The following UBE3D variants were observed in gnomAD, a reference collection of about 807,000 sequenced individuals.
UBE3D encodes E3 ubiquitin-protein ligase E3D.
In UBE3D, 48 loss-of-function variants were observed where a neutral mutation model predicts 49.6. That is an observed-to-expected ratio of 0.97 (90% confidence interval 0.77 to 1.23). UBE3D has a LOEUF of 1.23. Ranked by LOEUF, UBE3D falls within the 50% of genes most tolerant of loss-of-function variation. The probability of loss-of-function intolerance (pLI) is 0.00; values close to 1 mark genes in which losing one functional copy is unlikely to be tolerated. For missense variants in UBE3D, 452 were observed against 468.4 expected (o/e 0.96, Z 0.32); for synonymous variants, 189 against 174.2 (o/e 1.08, Z -0.67).
At chr6:83,059,427 A>T (rs1307280616) in intron 1 of UBE3D, among the ~76,000 whole-genome samples, 1 of 152,208 alleles carries the variant, frequency 6.6e-6, no homozygotes, top group Non-Finnish European at 1.5e-5. Flanking sequence ...CTTAGCTCAC[A>T]GGCTGTACCA....
chr6:82,918,240 C>T (rs549512478), intron 9 of UBE3D, among the ~76,000 whole-genome samples: 2 of 150,990 alleles, frequency 1.3e-5, no homozygotes, highest in East Asian at 3.9e-4. Flanking sequence ...TCTCATTTAC[C>T]CTTCTACCAG....
At chr6:83,064,036 G>A (rs1418525920) in intron 1 of UBE3D, among the ~76,000 whole-genome samples, 1 of 152,126 alleles carries the variant, frequency 6.6e-6, no homozygotes, top group Non-Finnish European at 1.5e-5. Context: ...TTCATACAAT[G>A]GAAAACTTAG....
intron 3 of UBE3D, among the ~76,000 whole-genome samples, chr6:83,052,658 G>A (rs1783548318): frequency 6.6e-6 from 1 of 152,144 alleles, no homozygotes; most frequent in African/African-American, 2.4e-5. Flanking sequence ...TTTTTTTGGG[G>A]GAGGAGGAAT....
chr6:82,902,988 T>A (rs1240046491), intron 9 of UBE3D, among the ~76,000 whole-genome samples: 1 of 152,186 alleles, frequency 6.6e-6, no homozygotes, highest in African/African-American at 2.4e-5. Flanking sequence ...GTAACAAGAC[T>A]AGGGGTGTGA....
chr6:83,057,703 G>T, intron 2 of UBE3D, 123 bp downstream of exon 2: 1 of 920,720 alleles, frequency 1.1e-6, no homozygotes, highest in Non-Finnish European at 1.7e-6. Flanking sequence ...TGGCAGAGCT[G>T]ACAAAGACCC....
intron 8 of UBE3D, among the ~76,000 whole-genome samples, chr6:82,962,782 G>T (rs1201983693): frequency 6.6e-6 from 1 of 152,004 alleles, no homozygotes; most frequent in Admixed American, 6.6e-5. Flanking sequence ...CATGAACAAG[G>T]CAAAAGTATA....
intron 3 of UBE3D, among the ~76,000 whole-genome samples, chr6:83,053,580 C>T (rs950349824): frequency 2.6e-5 from 4 of 152,008 alleles, no homozygotes; most frequent in Non-Finnish European, 4.4e-5. Flanking sequence ...ACAACAACAA[C>T]GAAAAAACCA....
chr6:82,947,115 T>C (rs1023000573), intron 9 of UBE3D, among the ~76,000 whole-genome samples: 1 of 151,850 alleles, frequency 6.6e-6, no homozygotes, highest in Admixed American at 6.6e-5. Flanking sequence ...AAATATATTT[T>C]ATGTCAATGG....
At chr6:83,024,114 A>C in intron 5 of UBE3D, 76 bp from the exon 6 acceptor site, 1 of 717,722 alleles carries the variant, frequency 1.4e-6, no homozygotes, top group Non-Finnish European at 2.2e-6. Context: ...ACTCCAAATT[A>C]GGATATTCCA....
Position 83,057,906 on chromosome 6 carries a change from G to T in UBE3D, c.194C>A (p.Pro65His). 6.2e-7 allele frequency: 1 copy of T among 1,614,170 alleles called. No homozygotes were observed. The highest frequency in any genetic ancestry group is 1.1e-5 in the South Asian group (1 of 91,082). ...AAACTGTAGCCCACGGCAAGAGGAAGGTACAAGCCTGACCTCTGCTGGAAG... is the reference window on the plus strand; with the variant it reads ...AAACTGTAGCCCACGGCAAGAGGAATGTACAAGCCTGACCTCTGCTGGAAG... ...IQLPAEVRLV[P>H]SSCRGLQFVV... The change falls in exon 2 of 10, where the codon CCT (proline) becomes CAT (histidine). Residue 65 changes from proline (P) to histidine (H), a missense_variant. Coordinates refer to ENST00000369747, the MANE Select transcript of UBE3D (RefSeq NM_198920.3).
intron 1 of UBE3D, among the ~76,000 whole-genome samples, chr6:83,064,933 C>G (rs1336557469): frequency 3.9e-5 from 6 of 152,198 alleles, no homozygotes; most frequent in Non-Finnish European, 7.3e-5. Flanking sequence ...CTAACTTACT[C>G]TCTTTGAAAC....
At chr6:83,007,483 C>T (rs1037184431) in intron 8 of UBE3D, among the ~76,000 whole-genome samples, 1 of 152,104 alleles carries the variant, frequency 6.6e-6, no homozygotes, top group African/African-American at 2.4e-5. Flanking sequence ...CCTAAAAATA[C>T]AAAAACAAGG....
At chr6:82,899,352 T>C (rs1298653909) in intron 9 of UBE3D, among the ~76,000 whole-genome samples, 1 of 152,152 alleles carries the variant, frequency 6.6e-6, no homozygotes, top group Non-Finnish European at 1.5e-5. Flanking sequence ...CTTCCAACCC[T>C]GAACTTTCTG....
chr6:83,003,611 C>T (rs746404773), intron 8 of UBE3D, among the ~76,000 whole-genome samples: 1 of 152,118 alleles, frequency 6.6e-6, no homozygotes, highest in African/African-American at 2.4e-5. Flanking sequence ...TCAGACAAAC[C>T]TAAGTGATAC....
At chr6:82,975,010 C>T (rs1777616430) in intron 8 of UBE3D, among the ~76,000 whole-genome samples, 1 of 151,878 alleles carries the variant, frequency 6.6e-6, no homozygotes, top group Non-Finnish European at 1.5e-5. Flanking sequence ...AACAAAAATA[C>T]AATAATTTAT....
At chr6:82,905,512 C>A (rs1025423133) in intron 9 of UBE3D, among the ~76,000 whole-genome samples, 4 of 152,110 alleles carry the variant, frequency 2.6e-5, no homozygotes, top group Non-Finnish European at 4.4e-5. Context: ...TAGGGCCTCC[C>A]TAACATCTCA....
At chr6:82,973,251 T>C (rs1270561156) in intron 8 of UBE3D, among the ~76,000 whole-genome samples, 2 of 152,172 alleles carry the variant, frequency 1.3e-5, no homozygotes, top group Non-Finnish European at 2.9e-5. Flanking sequence ...TGCACCTAGA[T>C]AAAATAAATA....
chr6:82,958,969 T>C (rs918511851), intron 8 of UBE3D, among the ~76,000 whole-genome samples: 1 of 152,090 alleles, frequency 6.6e-6, no homozygotes, highest in African/African-American at 2.4e-5. Context: ...TGGAGATATA[T>C]GGTGTGGGCG....
chr6:82,892,529 T>C lies in UBE3D; in HGVS notation c.*493A>G, dbSNP rs1771013178. 2 of 158,958 alleles carry C rather than the reference T, an allele frequency of 1.3e-5. No individual in the cohort carries two copies. The highest frequency in any genetic ancestry group is 2.8e-5 in the Non-Finnish European group (2 of 71,634). The allele number at this position is 158,958 out of a possible 1,614,324, so 9.8% of individuals were successfully genotyped here. A position where few individuals can be genotyped will look rare whatever the true frequency, so the allele number is the denominator to read the frequency against. On this transcript the variant is annotated 3_prime_UTR_variant, in exon 10 of 10. Transcript: ENST00000369747. ...TCATTCAACAAACATCTATTGAGCATCTCCTCTGAATAAAGTATAAAATGT... is the reference window on the plus strand; with the variant it reads ...TCATTCAACAAACATCTATTGAGCACCTCCTCTGAATAAAGTATAAAATGT...
Sources: allele counts gnomAD v4.1 joint callset (sites outside exome capture counted in the v4.1 genomes callset), GRCh38; gene constraint gnomAD v4.1.1; transcripts MANE v1.5; gene names NCBI Gene and HGNC (gene_info 2026-07-23, HGNC 2026-07-21).